SLC44A1: variants seen among roughly 807,000 people sequenced by gnomAD.
The protein encoded by SLC44A1 is solute carrier family 44 member 1.
In SLC44A1, 26 loss-of-function variants were observed where a neutral mutation model predicts 79.3. The ratio of observed to expected loss-of-function variants is 0.33; its 90% confidence interval spans 0.24 to 0.46. SLC44A1 has a LOEUF of 0.46. Among genes scored for constraint, SLC44A1 ranks in the 20% least tolerant of loss-of-function variants. The pLI, the probability that SLC44A1 is intolerant of heterozygous loss-of-function variation, is 1.00. For missense variants in SLC44A1, 688 were observed against 798.1 expected (o/e 0.86, Z 1.66); for synonymous variants, 263 against 286.2 (o/e 0.92, Z 0.82).
At chr9:105,272,603 A>G (rs187209120) in intron 1 of SLC44A1, among the ~76,000 whole-genome samples, 11 of 151,946 alleles carry the variant, frequency 7.2e-5, no homozygotes, top group Non-Finnish European at 1.6e-4. Context: ...TTTACAGGTG[A>G]AAAAGCTGAT....
intron 15 of SLC44A1, among the ~76,000 whole-genome samples, chr9:105,429,419 C>A (rs1009722105): frequency 3.3e-5 from 5 of 152,320 alleles, no homozygotes; most frequent in African/African-American, 1.2e-4. Context: ...CCTCCCACCT[C>A]AGCCTCCCGA....
At chr9:105,313,930 T>C (rs1247632279) in intron 3 of SLC44A1, among the ~76,000 whole-genome samples, 1 of 151,860 alleles carries the variant, frequency 6.6e-6, no homozygotes, top group Non-Finnish European at 1.5e-5. Flanking sequence ...TGGCTAATTT[T>C]TTTTTGTATT....
chr9:105,245,293 C>A (rs1319387957), intron 1 of SLC44A1, among the ~76,000 whole-genome samples: 1 of 152,152 alleles, frequency 6.6e-6, no homozygotes, highest in Non-Finnish European at 1.5e-5. Flanking sequence ...TCTCTTCCAC[C>A]TCCGTGGAGT....
intron 15 of SLC44A1, among the ~76,000 whole-genome samples, chr9:105,431,819 C>T (rs1458242675): frequency 6.6e-6 from 1 of 152,214 alleles, no homozygotes; most frequent in Non-Finnish European, 1.5e-5. Context: ...GTGCTGTGTA[C>T]AACAAAGCAG....
intron 12 of SLC44A1, among the ~76,000 whole-genome samples, chr9:105,371,838 C>G (rs1205505711): frequency 6.6e-6 from 1 of 151,492 alleles, no homozygotes; most frequent in Admixed American, 6.6e-5. Context: ...ACTTAGGGAA[C>G]TGGTGTGAAC....
At chr9:105,275,521 A>G (rs1250655824) in intron 1 of SLC44A1, among the ~76,000 whole-genome samples, 1 of 152,230 alleles carries the variant, frequency 6.6e-6, no homozygotes. Flanking sequence ...CCTTGGAGGT[A>G]AACACAGACA....
intron 1 of SLC44A1, among the ~76,000 whole-genome samples, chr9:105,276,487 A>G (rs1830203784): frequency 6.6e-6 from 1 of 152,086 alleles, no homozygotes; most frequent in Non-Finnish European, 1.5e-5. Context: ...ACAGAGACAC[A>G]GGTAAAATAT....
intron 15 of SLC44A1, among the ~76,000 whole-genome samples, chr9:105,419,804 C>T (rs1214728312): frequency 6.6e-6 from 1 of 150,832 alleles, no homozygotes; most frequent in Non-Finnish European, 1.5e-5. Context: ...AATCCAGCTA[C>T]TCTGGAGGCT....
chr9:105,369,108 T>A (rs1006713808), intron 12 of SLC44A1, among the ~76,000 whole-genome samples: 1 of 152,322 alleles, frequency 6.6e-6, no homozygotes, highest in African/African-American at 2.4e-5. Context: ...CTTGAAAAAG[T>A]CTAAGAATTT....
chr9:105,309,710 TG>T lies in SLC44A1; in HGVS notation c.127-13del. The T allele has an allele frequency of 1.2e-6, 2 of 1,613,036 alleles. No individual in the cohort carries two copies. The highest frequency in any genetic ancestry group is 1.7e-6 in the Non-Finnish European group (2 of 1,179,202). On this transcript the variant is annotated splice_polypyrimidine_tract_variant and intron_variant, in intron 2 of 15. Coordinates refer to ENST00000374720, the MANE Select transcript of SLC44A1 (RefSeq NM_080546.5). ...AATGGTTTATTTGTATGTTTTTTTC[TG>T]TTTCTTTCCTAGGGATTTATTTGTG...
At chr9:105,413,671 A>G (rs1337976741) in intron 15 of SLC44A1, among the ~76,000 whole-genome samples, 1 of 152,236 alleles carries the variant, frequency 6.6e-6, no homozygotes, top group Non-Finnish European at 1.5e-5. Flanking sequence ...GTTTCTGTTA[A>G]ATGCAGCTGA....
At chr9:105,312,157 C>A (rs534665911) in intron 3 of SLC44A1, among the ~76,000 whole-genome samples, 2 of 152,222 alleles carry the variant, frequency 1.3e-5, no homozygotes, top group Admixed American at 1.3e-4. Context: ...CAAATCAGTC[C>A]TCTAAAATCT....
intron 1 of SLC44A1, among the ~76,000 whole-genome samples, chr9:105,280,558 A>G (rs1281246176): frequency 6.6e-6 from 1 of 152,246 alleles, no homozygotes; most frequent in Non-Finnish European, 1.5e-5. Context: ...TACTCACACT[A>G]TACGTCAAAA....
intron 1 of SLC44A1, among the ~76,000 whole-genome samples, chr9:105,281,444 C>T (rs999661754): frequency 6.6e-6 from 1 of 152,010 alleles, no homozygotes; most frequent in Non-Finnish European, 1.5e-5. Flanking sequence ...TAAATGTGGT[C>T]ACCAGAAAGA....
At position 105,397,332 on chromosome 9, in the gene SLC44A1, T is replaced by G. The variant is rs1769605484; in HGVS notation, c.*8276T>G. 1 of 979,888 alleles carries G rather than the reference T, an allele frequency of 1.0e-6. No individual in the cohort carries two copies. Among genetic ancestry groups the G allele is most frequent in the African/African-American group, 1.8e-5 (1 of 57,134 alleles). The allele number at this position is 979,888 out of a possible 1,614,324, so 60.7% of individuals were successfully genotyped here. A position where few individuals can be genotyped will look rare whatever the true frequency, so the allele number is the denominator to read the frequency against. On this transcript the variant is annotated 3_prime_UTR_variant, in exon 16 of 16. Transcript: ENST00000374720. ...AGAATTTTTTATGTAATAAATAAAA[T>G]TTTATAGGAAAGAATGTTATTGTCT...
At chr9:105,371,811 C>T (rs1037883391) in intron 12 of SLC44A1, among the ~76,000 whole-genome samples, 2 of 144,672 alleles carry the variant, frequency 1.4e-5, no homozygotes, top group South Asian at 2.1e-4. Flanking sequence ...AAATTGTTAA[C>T]TGGGTGTTTT....
At chr9:105,304,337 A>G (rs1291749240) in intron 2 of SLC44A1, among the ~76,000 whole-genome samples, 1 of 152,184 alleles carries the variant, frequency 6.6e-6, no homozygotes, top group South Asian at 2.1e-4. Flanking sequence ...ACAACATTCC[A>G]AAAATTACCA....
intron 1 of SLC44A1, among the ~76,000 whole-genome samples, chr9:105,252,610 A>C (rs1829615625): frequency 6.6e-6 from 1 of 152,222 alleles, no homozygotes; most frequent in Non-Finnish European, 1.5e-5. Flanking sequence ...AGTGCGCTCA[A>C]GTAATGGACC....
chr9:105,383,304 C>G lies in SLC44A1; in HGVS notation c.1814C>G (p.Thr605Arg). The G allele has an allele frequency of 6.2e-7, 1 of 1,613,552 alleles. No homozygotes were observed. The highest frequency in any genetic ancestry group is 1.3e-5 in the African/African-American group (1 of 75,018). Reference sequence around the variant, plus strand: ...TTATTCTTGTGTTTTGCCATTGATACAAAATACAATGATGGGAGCCCTGGC... The same window carrying G: ...TTATTCTTGTGTTTTGCCATTGATAGAAAATACAATGATGGGAGCCCTGGC... ...DVLFLCFAID[T>R]KYNDGSPGRE... is the part of the protein sequence containing the mutation. The change falls in exon 14 of 16, where the codon ACA becomes AGA. Residue 605 changes from threonine (T) to arginine (R), a missense_variant. Physicochemically the swap from Thr to Arg is moderately conservative, Grantham distance 71. Transcript: ENST00000374720.
Sources: allele counts gnomAD v4.1 joint callset (sites outside exome capture counted in the v4.1 genomes callset), GRCh38; gene constraint gnomAD v4.1.1; transcripts MANE v1.5; gene names NCBI Gene and HGNC (gene_info 2026-07-23, HGNC 2026-07-21).